The following NRSN2 variants were observed in gnomAD, a reference collection of about 807,000 sequenced individuals.
NRSN2 encodes neurensin 2.
In NRSN2, 10 loss-of-function variants were observed where a neutral mutation model predicts 11.1. That is an observed-to-expected ratio of 0.90 (90% CI 0.56 to 1.53). The LOEUF is 1.53. NRSN2 is among the 40% of genes most tolerant of loss of function. NRSN2 has a pLI of 0.00. For synonymous variants in NRSN2, 100 were observed against 117.0 expected, an observed-to-expected ratio of 0.86 and a Z score of 0.94; for missense variants, 260 against 273.7, an observed-to-expected ratio of 0.95 and a Z score of 0.35.
Position 353,813 on chromosome 20 carries a change from C to T in NRSN2, c.*178C>T. 1.6e-6 allele frequency: 1 copy of T among 620,272 alleles called. No homozygotes were observed. Among genetic ancestry groups the T allele is most frequent in the Non-Finnish European group, 2.7e-6 (1 of 364,356 alleles). The allele number at this position is 620,272 out of a possible 1,614,324, so 38.4% of individuals were successfully genotyped here. A position where few individuals can be genotyped will look rare whatever the true frequency, so the allele number is the denominator to read the frequency against. ...CCCCAGGAGTGGGGCCCCAACTCTT[C>T]CAAGATACCAGCATTCCTCAAGTCC... is the stretch of plus-strand genomic sequence containing the variant. On this transcript the variant is annotated 3_prime_UTR_variant, in exon 5 of 5. Transcript: ENST00000382285.
In NRSN2 at chr20:354,223, T is replaced by G. The variant is rs1013808604; in HGVS notation, c.*588T>G. 6.6e-6 allele frequency: 1 copy of G among 152,310 alleles called. No individual in the cohort carries two copies. Among genetic ancestry groups the G allele is most frequent in the African/African-American group, 2.4e-5 (1 of 41,396 alleles). The allele number at this position is 152,310 out of a possible 1,614,324, so 9.4% of individuals were successfully genotyped here. On this transcript the variant is annotated 3_prime_UTR_variant, in exon 5 of 5. Coordinates refer to ENST00000382285, the MANE Select transcript of NRSN2 (RefSeq NM_001323682.2). ...TACTAGCCCTAGTTGATAGGTGAGG[T>G]GGGTGAAGAAGGCTGGAGGTGACAT...
At position 347,171 on chromosome 20, in the gene NRSN2, C is replaced by G. The variant is rs2013472877; in HGVS notation, c.-201+29C>G. 6.6e-6 allele frequency: 1 copy of G among 152,474 alleles called. No homozygotes were observed. Among genetic ancestry groups the G allele is most frequent in the African/African-American group, 2.4e-5 (1 of 41,440 alleles). The allele number at this position is 152,474 out of a possible 1,614,324, so 9.4% of individuals were successfully genotyped here. A position where few individuals can be genotyped will look rare whatever the true frequency, so the allele number is the denominator to read the frequency against. On this transcript the variant is annotated intron_variant, in intron 1 of 4. Transcript: ENST00000382285. The surrounding 1 kb of genome is among the most constrained non-coding windows in gnomAD (Gnocchi z 7.0). The stretch of plus-strand genomic sequence containing the variant: ...AGCTTAGCCCTGCCCCACGCGCGGC[C>G]AGGCCCCAGCCCCAGCCCCTGGAGA...
At chr20:352,171 G>A (rs1006608165) in intron 4 of NRSN2, among the ~76,000 whole-genome samples, 1 of 152,178 alleles carries the variant, frequency 6.6e-6, no homozygotes, top group Non-Finnish European at 1.5e-5. Context: ...TACCTTGCCA[G>A]GGCAGAGAAA....
At chr20:351,411 G>A (rs955782496) in intron 4 of NRSN2, among the ~76,000 whole-genome samples, 6 of 152,042 alleles carry the variant, frequency 3.9e-5, no homozygotes, top group Non-Finnish European at 1.5e-5. Context: ...GCGCGGGCCT[G>A]TGATGCCTAC....
intron 4 of NRSN2, among the ~76,000 whole-genome samples, chr20:351,390 T>A (rs2013958789): frequency 6.6e-6 from 1 of 151,978 alleles, no homozygotes; most frequent in Admixed American, 6.6e-5. Context: ...AAAAATTAGC[T>A]GGATGTAGTG....
chr20:348,702 G>C (rs137994908), intron 2 of NRSN2, among the ~76,000 whole-genome samples: 111 of 151,834 alleles, frequency 7.3e-4, no homozygotes, highest in Admixed American at 2.8e-3. Flanking sequence ...GTTTCATTTT[G>C]CAGGAGGCTG....
At chr20:351,304 G>C (rs2013950511) in intron 4 of NRSN2, among the ~76,000 whole-genome samples, 1 of 152,190 alleles carries the variant, frequency 6.6e-6, no homozygotes, top group African/African-American at 2.4e-5. Context: ...AGAGGCTGAA[G>C]CAGGAGGATT....
chr20:350,265 G>C (rs1008052465), intron 4 of NRSN2, among the ~76,000 whole-genome samples: 1 of 152,030 alleles, frequency 6.6e-6, no homozygotes, highest in South Asian at 2.1e-4. Flanking sequence ...TGGATCTCGA[G>C]GTCAGGAGTT....
At position 353,961 on chromosome 20, in the gene NRSN2, C is replaced by T; in HGVS notation, c.*326C>T. On this transcript the variant is annotated 3_prime_UTR_variant, in exon 5 of 5. Transcript: ENST00000382285. ...GCAAACCCTTGCCCTTTCAAGCCATCAGCTCCTGCCTCTCTGCCATGAGGG... is the reference window on the plus strand; with the variant it reads ...GCAAACCCTTGCCCTTTCAAGCCATTAGCTCCTGCCTCTCTGCCATGAGGG... 2.8e-6 allele frequency: 1 copy of T among 352,068 alleles called. No individual in the cohort carries two copies. Among genetic ancestry groups the T allele is most frequent in the East Asian group, 6.2e-5 (1 of 16,014 alleles). The allele number at this position is 352,068 out of a possible 1,614,324, so 21.8% of individuals were successfully genotyped here.
Position 349,906 on chromosome 20 carries a change from G to A in NRSN2, c.189+74G>A, listed in dbSNP as rs1196663967. 7.6e-6 allele frequency: 11 copies of A among 1,445,288 alleles called. No individual in the cohort carries two copies. The East Asian group carries it at 1.6e-4, about 21-fold the overall frequency. 89.5% of individuals were successfully genotyped at this position (1,445,288 alleles called of 1,614,324 possible). On this transcript the variant is annotated intron_variant, in intron 4 of 4. Transcript: ENST00000382285. ...AATGAGTCTGAATTTGAGGCTCAGA[G>A]GAAAAAAGAAGAGATAGCGTAGTAG...
chr20:353,999 T>G lies in NRSN2; in HGVS notation c.*364T>G. ...TCTGCCATGAGGGCTTTGGATCAGA[T>G]TCCTCTTCTCGCCAGGATGAGGACA... On this transcript the variant is annotated 3_prime_UTR_variant, in exon 5 of 5. Transcript: ENST00000382285. The G allele has an allele frequency of 3.6e-6, 1 of 278,738 alleles. No individual in the cohort carries two copies. The highest frequency in any genetic ancestry group is 6.8e-6 in the Non-Finnish European group (1 of 147,634). The allele number at this position is 278,738 out of a possible 1,614,324, so 17.3% of individuals were successfully genotyped here.
Position 354,679 on chromosome 20 carries a change from T to G in NRSN2, c.*1044T>G, listed in dbSNP as rs2014253244. 1 of 152,210 alleles carries G rather than the reference T, an allele frequency of 6.6e-6. No homozygotes were observed. Among genetic ancestry groups the G allele is most frequent in the Non-Finnish European group, 1.5e-5 (1 of 68,088 alleles). 9.4% of individuals were successfully genotyped at this position (152,210 alleles called of 1,614,324 possible). A position where few individuals can be genotyped will look rare whatever the true frequency, so the allele number is the denominator to read the frequency against. On this transcript the variant is annotated 3_prime_UTR_variant, in exon 5 of 5. Transcript: ENST00000382285. ...CTCTGATGCAGCTGGAGAGCAGCGC[T>G]CAAGGCTCTCGCCCCTCCCCTCCCT...
intron 4 of NRSN2, among the ~76,000 whole-genome samples, chr20:350,701 C>T (rs1261829878): frequency 1.4e-5 from 2 of 140,564 alleles, no homozygotes; most frequent in African/African-American, 5.2e-5. Context: ...AAATGTTGCT[C>T]ATTTTTTAGA....
chr20:349,041 C>G (rs1210562093), intron 2 of NRSN2, among the ~76,000 whole-genome samples: 1 of 151,986 alleles, frequency 6.6e-6, no homozygotes, highest in Non-Finnish European at 1.5e-5. Flanking sequence ...GAACTCCAGC[C>G]CAAGTGTCAG....
chr20:353,917 T>G lies in NRSN2; in HGVS notation c.*282T>G. The G allele has an allele frequency of 4.3e-6, 2 of 466,724 alleles. No individual in the cohort carries two copies. The highest frequency in any genetic ancestry group is 7.6e-6 in the Non-Finnish European group (2 of 261,458). The allele number at this position is 466,724 out of a possible 1,614,324, so 28.9% of individuals were successfully genotyped here. On this transcript the variant is annotated 3_prime_UTR_variant, in exon 5 of 5. Coordinates refer to ENST00000382285, the MANE Select transcript of NRSN2 (RefSeq NM_001323682.2). ...ATCTCCTTCAACCCGTCCCCACTCC[T>G]TCCTCTGCATGACCTTGGGCAAACC... is the stretch of plus-strand genomic sequence containing the variant.
Position 350,364 on chromosome 20 carries a change from G to A in NRSN2, c.189+532G>A, listed in dbSNP as rs8183050. 5.1e-3 allele frequency among the ~76,000 whole-genome samples: 761 copies of A among 150,148 alleles called. 8 individuals carry two copies. Among genetic ancestry groups the A allele is most frequent in the African/African-American group, 0.017 (713 of 40,788 alleles). ...TGTGGTGGCGGGCGCCTGTAATCCC[G>A]GCTACTCGGGAGGCTGAGGCAGGAG... is the stretch of plus-strand genomic sequence containing the variant. On this transcript the variant is annotated intron_variant, in intron 4 of 4. Transcript: ENST00000382285.
chr20:351,462 A>G (rs2013965716), intron 4 of NRSN2, among the ~76,000 whole-genome samples: 1 of 152,128 alleles, frequency 6.6e-6, no homozygotes, highest in African/African-American at 2.4e-5. Flanking sequence ...TGAGCCCAGG[A>G]GGTTGAAGCT....
At chr20:349,429 T>G in intron 3 of NRSN2, 66 bp downstream of exon 3, 1 of 502,736 alleles carries the variant, frequency 2.0e-6, no homozygotes, top group Non-Finnish European at 3.5e-6. Flanking sequence ...GGCACTGGGC[T>G]AAGGCCTTCA....
At position 354,020 on chromosome 20, in the gene NRSN2, G is replaced by T; in HGVS notation, c.*385G>T. The T allele has an allele frequency of 4.0e-6, 1 of 251,550 alleles. No individual in the cohort carries two copies. The highest frequency in any genetic ancestry group is 7.6e-6 in the Non-Finnish European group (1 of 131,260). 15.6% of individuals were successfully genotyped at this position (251,550 alleles called of 1,614,324 possible). The stretch of plus-strand genomic sequence containing the variant: ...CAGATTCCTCTTCTCGCCAGGATGA[G>T]GACACGCACTGCCCTCCATAGACAC... On this transcript the variant is annotated 3_prime_UTR_variant, in exon 5 of 5. Coordinates refer to ENST00000382285, the MANE Select transcript of NRSN2 (RefSeq NM_001323682.2).
Sources: gnomAD v4.1 joint callset for allele counts (sites outside exome capture counted in the v4.1 genomes callset) on GRCh38, gnomAD v4.1.1 for gene constraint, Gnocchi (gnomAD v3.1) non-coding constraint, MANE v1.5 for transcripts, NCBI Gene and HGNC (gene_info 2026-07-23, HGNC 2026-07-21) for gene names.